Variants in FRMD4A observed in about 807,000 individuals in gnomAD.
The protein encoded by FRMD4A is FERM domain-containing protein 4A.
In FRMD4A, 29 loss-of-function variants were observed where a neutral mutation model predicts 129.1. That is an observed-to-expected ratio of 0.22 (90% CI 0.17 to 0.31). The LOEUF is 0.31. FRMD4A is among the 10% of genes least tolerant of loss of function. FRMD4A has a pLI of 1.00. For synonymous variants in FRMD4A, 634 were observed against 571.6 expected, an observed-to-expected ratio of 1.11 and a Z score of -1.56; for missense variants, 1,272 against 1,375.8, an observed-to-expected ratio of 0.92 and a Z score of 1.19.
intron 2 of FRMD4A, among the ~76,000 whole-genome samples, chr10:14,184,948 T>C (rs1842040340): frequency 6.6e-6 from 1 of 151,048 alleles, no homozygotes; most frequent in Non-Finnish European, 1.5e-5. Context: ...TGTTTCCCTT[T>C]CATGTCTGAA....
At chr10:13,900,713 A>G (rs138129955) in intron 2 of FRMD4A, among the ~76,000 whole-genome samples, 3,370 of 152,166 alleles carry the variant, frequency 0.022, 75 homozygotes, top group East Asian at 0.075. Context: ...CCTGGCCAAC[A>G]TGGTGAAACC....
chr10:14,118,698 A>G (rs1838331085), intron 2 of FRMD4A, among the ~76,000 whole-genome samples: 1 of 152,226 alleles, frequency 6.6e-6, no homozygotes, highest in Admixed American at 6.5e-5. Flanking sequence ...GAGCTTGTGC[A>G]GGGGAACTCC....
chr10:14,069,128 G>A (rs1016044658), intron 2 of FRMD4A, among the ~76,000 whole-genome samples: 1 of 152,056 alleles, frequency 6.6e-6, no homozygotes, highest in Non-Finnish European at 1.5e-5. Flanking sequence ...TTGGCCTTCT[G>A]TGTTATATTC....
chr10:14,195,504 C>T (rs7080759), intron 2 of FRMD4A, among the ~76,000 whole-genome samples: 36,960 of 151,802 alleles, frequency 0.24, 4,749 homozygotes, highest in Admixed American at 0.3. Flanking sequence ...CTGAAAACTA[C>T]CTGTACAAAT....
intron 2 of FRMD4A, among the ~76,000 whole-genome samples, chr10:14,135,492 CTG>C (rs1165533910): frequency 3.3e-5 from 5 of 152,236 alleles, no homozygotes; most frequent in Non-Finnish European, 5.9e-5. Context: ...GTTGGAGTCT[CTG>C]TGAATCTGCT....
chr10:14,281,351 A>G (rs1479892894), intron 2 of FRMD4A, among the ~76,000 whole-genome samples: 1 of 152,206 alleles, frequency 6.6e-6, no homozygotes, highest in African/African-American at 2.4e-5. Context: ...AAGACTACAT[A>G]AAGACACAGG....
chr10:14,018,680 C>A (rs2457857), intron 2 of FRMD4A, among the ~76,000 whole-genome samples: 45,164 of 151,828 alleles, frequency 0.3, 8,637 homozygotes, highest in African/African-American at 0.54. Context: ...AGAGCAGGTA[C>A]AAGATTATTG....
chr10:13,973,779 G>A (rs2095530245), intron 2 of FRMD4A, among the ~76,000 whole-genome samples: 1 of 119,274 alleles, frequency 8.4e-6, no homozygotes, highest in South Asian at 2.2e-4. Context: ...GGGAGGGAGG[G>A]TGAAAGGGAG....
chr10:14,144,997 G>A (rs1840007087), intron 2 of FRMD4A, among the ~76,000 whole-genome samples: 1 of 152,154 alleles, frequency 6.6e-6, no homozygotes, highest in African/African-American at 2.4e-5. Context: ...GTGGAACTGT[G>A]GGTGGTTGAT....
chr10:13,953,936 G>T (rs2095391356), intron 2 of FRMD4A, among the ~76,000 whole-genome samples: 1 of 152,104 alleles, frequency 6.6e-6, no homozygotes. Flanking sequence ...TAAAGTTTAA[G>T]AACTCAGCAT....
In FRMD4A at chr10:13,882,689, G is replaced by C. The variant is rs989856636; in HGVS notation, c.46-23777C>G. ...CCTCTTCATCCTCACTGCCCAGCCA[G>C]CAGGGCAAGCCACGATACTTGAGTT... On this transcript the variant is annotated intron_variant, in intron 2 of 24. Transcript: ENST00000357447. Among the ~76,000 whole-genome samples, 21 of 152,198 alleles carry C rather than the reference G, an allele frequency of 1.4e-4. 1 individual carries two copies.
rs45538134 is a variant in FRMD4A at position 13,645,047 on chromosome 10, C to T, written c.*1991G>A. On this transcript the variant is annotated 3_prime_UTR_variant, in exon 25 of 25. Transcript: ENST00000357447. The stretch of plus-strand genomic sequence containing the variant: ...AGACTTGGTGGAGGAGGCCACGGCC[C>T]GCCTTGTCCCTGCCGGGTCCCGGCC... The T allele has an allele frequency of 0.06, 9,081 of 152,020 alleles. 341 individuals carry two copies. Among genetic ancestry groups the T allele is most frequent in the Middle Eastern group, 0.078 (23 of 294 alleles). The allele number at this position is 152,020 out of a possible 1,614,324, so 9.4% of individuals were successfully genotyped here.
intron 2 of FRMD4A, among the ~76,000 whole-genome samples, chr10:14,327,397 C>G (rs1843320753): frequency 6.6e-6 from 1 of 152,340 alleles, no homozygotes; most frequent in Admixed American, 6.5e-5. Flanking sequence ...CATCTGTACA[C>G]TGTTTCTTAG....
In FRMD4A at chr10:14,110,125, T is replaced by TTA. The variant is rs372420987; in HGVS notation, c.45+219932_45+219933insTA. Among the ~76,000 whole-genome samples the TTA allele has an allele frequency of 7.7e-4, 69 of 89,548 alleles. 5 individuals carry two copies. The highest frequency in any genetic ancestry group is 2.1e-3 in the African/African-American group (46 of 21,522). 58.7% of individuals were successfully genotyped at this position (89,548 alleles called of 152,430 possible). ...GGCTGGGCAACAAAGCGAGATGCTG[T>TTA]AAAAAAAAAAAAAAAAAAAAAAGCT... On this transcript the variant is annotated intron_variant, in intron 2 of 24. Coordinates refer to ENST00000357447, the MANE Select transcript of FRMD4A (RefSeq NM_018027.5).
chr10:13,784,990 CAA>C (rs35375065), intron 5 of FRMD4A, among the ~76,000 whole-genome samples: 2,435 of 98,364 alleles, frequency 0.025, 64 homozygotes, highest in East Asian at 0.11. Flanking sequence ...GACTCTATCT[CAA>C]AAAAAAAAAA....
At chr10:14,255,109 C>T (rs1172910046) in intron 2 of FRMD4A, among the ~76,000 whole-genome samples, 1 of 152,202 alleles carries the variant, frequency 6.6e-6, no homozygotes, top group Non-Finnish European at 1.5e-5. Context: ...CAGTGGCTAT[C>T]TGTTGGTTGC....
At chr10:14,153,951 C>G (rs1459924062) in intron 2 of FRMD4A, among the ~76,000 whole-genome samples, 1 of 152,176 alleles carries the variant, frequency 6.6e-6, no homozygotes, top group Non-Finnish European at 1.5e-5. Context: ...CTCCAGTAAC[C>G]TCCTTTCCTG....
chr10:13,972,533 T>A (rs2131386464), intron 2 of FRMD4A, among the ~76,000 whole-genome samples: 1 of 151,866 alleles, frequency 6.6e-6, no homozygotes, highest in South Asian at 2.1e-4. Context: ...AGTCAACCTA[T>A]CCCGTTTTTT....
Position 13,989,002 on chromosome 10 carries a change from G to C in FRMD4A, c.46-130090C>G, listed in dbSNP as rs558078316. 2.6e-5 allele frequency among the ~76,000 whole-genome samples: 4 copies of C among 152,018 alleles called. No individual in the cohort carries two copies. In the South Asian group the frequency reaches 8.4e-4, roughly 32 times the overall value. On this transcript the variant is annotated intron_variant, in intron 2 of 24. Transcript: ENST00000357447. ...CCATTATAAACTGACGCTTGAGAAG[G>C]TGTGCTTTAGGACAGTGATTTTCAG...
Sources: gnomAD v4.1 joint callset for allele counts (sites outside exome capture counted in the v4.1 genomes callset) on GRCh38, gnomAD v4.1.1 for gene constraint, MANE v1.5 for transcripts, NCBI Gene and HGNC (gene_info 2026-07-23, HGNC 2026-07-21) for gene names.